The following NBEA variants were observed in gnomAD, a reference collection of about 807,000 sequenced individuals.
NBEA encodes the protein neurobeachin.
A neutral mutation model predicts 343.4 loss-of-function variants in NBEA; 44 were observed. The ratio of observed to expected loss-of-function variants is 0.13; its 90% confidence interval spans 0.10 to 0.16. The LOEUF (loss-of-function observed/expected upper bound fraction) is 0.16. Ranked by LOEUF, NBEA falls within the 10% of genes least tolerant of loss-of-function variation. The pLI is 1.00. For missense variants in NBEA, 2,555 were observed against 3,631.3 expected (o/e 0.70, Z 7.62); for synonymous variants, 1,175 against 1,238.7 (o/e 0.95, Z 1.08).
chr13:35,305,985 T>A (rs937127578), intron 35 of NBEA, among the ~76,000 whole-genome samples: 8 of 152,154 alleles, frequency 5.3e-5, no homozygotes, highest in Non-Finnish European at 8.8e-5. Flanking sequence ...TATTGAAAAA[T>A]TGGTATTTCA....
At chr13:35,479,754 AT>A (rs1405649467) in intron 41 of NBEA, among the ~76,000 whole-genome samples, 2 of 152,226 alleles carry the variant, frequency 1.3e-5, no homozygotes, top group East Asian at 3.9e-4. Context: ...GTCTTGCAAT[AT>A]TTTTTGTTGT....
intron 34 of NBEA, among the ~76,000 whole-genome samples, chr13:35,233,871 G>A (rs1323926586): frequency 2.0e-5 from 3 of 152,086 alleles, no homozygotes; most frequent in Non-Finnish European, 4.4e-5. Flanking sequence ...AGAATGACAA[G>A]GTTAGGCTGA....
intron 38 of NBEA, among the ~76,000 whole-genome samples, chr13:35,409,763 A>G (rs2043477598): frequency 6.6e-6 from 1 of 152,138 alleles, no homozygotes; most frequent in Non-Finnish European, 1.5e-5. Context: ...AGCAGAAACT[A>G]CAAAGGGGGA....
At chr13:35,460,883 C>T (rs2046865160) in intron 40 of NBEA, among the ~76,000 whole-genome samples, 1 of 152,192 alleles carries the variant, frequency 6.6e-6, no homozygotes, top group Non-Finnish European at 1.5e-5. Context: ...CAAAGGGCTG[C>T]ATGTGGTGAG....
intron 41 of NBEA, among the ~76,000 whole-genome samples, chr13:35,545,364 C>T (rs7322974): frequency 0.25 from 37,447 of 152,024 alleles, 5,345 homozygotes; most frequent in East Asian, 0.42. Flanking sequence ...GCCTCCCTAG[C>T]GCTGTGCCTC....
At chr13:35,640,179 A>G (rs904980857) in intron 49 of NBEA, among the ~76,000 whole-genome samples, 1 of 152,238 alleles carries the variant, frequency 6.6e-6, no homozygotes, top group African/African-American at 2.4e-5. Flanking sequence ...ACACATAAGC[A>G]CACATTATAT....
At chr13:35,462,506 CTG>C (rs2046963708) in intron 40 of NBEA, among the ~76,000 whole-genome samples, 1 of 152,140 alleles carries the variant, frequency 6.6e-6, no homozygotes, top group African/African-American at 2.4e-5. Flanking sequence ...CAGGGAGTCT[CTG>C]AAGTTGAGAC....
chr13:35,454,382 A>G (rs2046453672), intron 40 of NBEA, among the ~76,000 whole-genome samples: 1 of 152,238 alleles, frequency 6.6e-6, no homozygotes, highest in South Asian at 2.1e-4. Flanking sequence ...AAAGATGCAG[A>G]TTACATCAAT....
At chr13:35,050,462 G>A (rs933212878) in intron 6 of NBEA, 67 bp downstream of exon 6, 1 of 1,465,976 alleles carries the variant, frequency 6.8e-7, no homozygotes, top group Non-Finnish European at 9.3e-7. Context: ...CCTTTTATGA[G>A]CTCTGTAGTA....
At chr13:34,999,287 A>C (rs1282697859) in intron 1 of NBEA, among the ~76,000 whole-genome samples, 2 of 152,174 alleles carry the variant, frequency 1.3e-5, no homozygotes, top group East Asian at 3.9e-4. Flanking sequence ...AGTGTGTAGT[A>C]ATCACATCAG....
chr13:35,219,852 C>G (rs891584277), intron 33 of NBEA, among the ~76,000 whole-genome samples: 4 of 152,124 alleles, frequency 2.6e-5, no homozygotes, highest in Admixed American at 6.6e-5. Flanking sequence ...CTATTCATAT[C>G]TTCAACTGAC....
intron 41 of NBEA, among the ~76,000 whole-genome samples, chr13:35,544,373 T>G (rs2078970548): frequency 2.1e-5 from 3 of 146,020 alleles, no homozygotes; most frequent in Admixed American, 1.3e-4. Flanking sequence ...TAAACAAGTA[T>G]TTTTTTAAGT....
chr13:35,053,892 A>G (rs559877072), intron 6 of NBEA, among the ~76,000 whole-genome samples: 2 of 152,214 alleles, frequency 1.3e-5, no homozygotes, highest in East Asian at 3.9e-4. Context: ...CCTTTTTCAG[A>G]GATGAAAATA....
chr13:35,094,287 T>C (rs767726782), intron 10 of NBEA, among the ~76,000 whole-genome samples: 11 of 152,142 alleles, frequency 7.2e-5, no homozygotes, highest in Non-Finnish European at 1.3e-4. Context: ...AAGAAAAAGG[T>C]AGAAATTACT....
intron 16 of NBEA, among the ~76,000 whole-genome samples, chr13:35,120,067 A>AT (rs767432944): frequency 2.6e-5 from 4 of 152,264 alleles, no homozygotes; most frequent in Non-Finnish European, 4.4e-5. Context: ...TGCTTTGTTT[A>AT]TTATATTACT....
chr13:35,465,716 A>G (rs761177138), intron 40 of NBEA, among the ~76,000 whole-genome samples: 23 of 152,310 alleles, frequency 1.5e-4, no homozygotes, highest in Non-Finnish European at 2.9e-4. Context: ...GTTGTTTAGT[A>G]CTTTTTGTAT....
chr13:35,360,058 A>T (rs928066233), intron 38 of NBEA, among the ~76,000 whole-genome samples: 2 of 151,968 alleles, frequency 1.3e-5, no homozygotes, highest in Admixed American at 6.6e-5. Context: ...ATTCATAGAG[A>T]TCAAATGTCT....
intron 10 of NBEA, among the ~76,000 whole-genome samples, chr13:35,096,193 T>C (rs917291001): frequency 6.6e-6 from 1 of 151,522 alleles, no homozygotes; most frequent in Non-Finnish European, 1.5e-5. Flanking sequence ...TACCTTATTG[T>C]AAAGATTTTT....
Position 35,615,619 on chromosome 13 carries a change from A to T in NBEA, c.7449+9041A>T, listed in dbSNP as rs143051457. 5.7e-4 allele frequency among the ~76,000 whole-genome samples: 87 copies of T among 152,272 alleles called. No homozygotes were observed. In the East Asian group the frequency reaches 0.014, roughly 24 times the overall value. ...CTCAGCCTCCAAAAGTGCTGGGATT[A>T]CAGGCCTGAGCCACCATGCTCGGCC... On this transcript the variant is annotated intron_variant, in intron 48 of 58. Coordinates refer to ENST00000379939, the MANE Select transcript of NBEA (RefSeq NM_001385012.1).
Sources: allele counts gnomAD v4.1 joint callset (sites outside exome capture counted in the v4.1 genomes callset), GRCh38; gene constraint gnomAD v4.1.1; transcripts MANE v1.5; gene names NCBI Gene and HGNC (gene_info 2026-07-23, HGNC 2026-07-21).